PCGF5: variants seen among roughly 807,000 people sequenced by gnomAD.
PCGF5 encodes polycomb group ring finger 5.
A neutral mutation model predicts 44.3 loss-of-function variants in PCGF5; 9 were observed. That is an observed-to-expected ratio of 0.20 (90% CI 0.12 to 0.35). The LOEUF (loss-of-function observed/expected upper bound fraction) is 0.35, where lower values mean the gene tolerates loss of function less well. Among genes scored for constraint, PCGF5 ranks in the 10% least tolerant of loss-of-function variants. The pLI is 1.00. For missense variants in PCGF5, 146 were observed against 305.3 expected (o/e 0.48, Z 3.89); for synonymous variants, 95 against 102.5 (o/e 0.93, Z 0.44).
intron 3 of PCGF5, among the ~76,000 whole-genome samples, chr10:91,245,804 G>A (rs757631991): frequency 6.6e-6 from 1 of 152,126 alleles, no homozygotes; most frequent in Non-Finnish European, 1.5e-5. Context: ...GTGTTTGTCA[G>A]TCAAAATTAA....
chr10:91,178,755 G>A (rs528188902), intron 1 of PCGF5, among the ~76,000 whole-genome samples: 2 of 130,990 alleles, frequency 1.5e-5, no homozygotes, highest in East Asian at 4.7e-4. Context: ...GGGTTACTTT[G>A]ATTAAAAATA....
intron 1 of PCGF5, among the ~76,000 whole-genome samples, chr10:91,183,174 C>G (rs929970783): frequency 6.6e-6 from 1 of 152,094 alleles, no homozygotes; most frequent in African/African-American, 2.4e-5. Flanking sequence ...TCTCAATGAT[C>G]TAATATTGTC....
intron 2 of PCGF5, among the ~76,000 whole-genome samples, chr10:91,233,923 G>A (rs1209001258): frequency 6.6e-6 from 1 of 152,174 alleles, no homozygotes; most frequent in Non-Finnish European, 1.5e-5. Context: ...AATAAACAGA[G>A]CATTACTAAT....
chr10:91,231,688 G>T (rs531729148), intron 2 of PCGF5, among the ~76,000 whole-genome samples: 11 of 152,304 alleles, frequency 7.2e-5, no homozygotes, highest in African/African-American at 2.6e-4. Flanking sequence ...TGAGAGAAAT[G>T]AAGATCCGTT....
intron 8 of PCGF5, among the ~76,000 whole-genome samples, chr10:91,269,723 A>T (rs931128554): frequency 6.6e-6 from 1 of 152,208 alleles, no homozygotes; most frequent in Non-Finnish European, 1.5e-5. Flanking sequence ...CATACCAATA[A>T]TGAATGAGAG....
upstream of PCGF5, among the ~76,000 whole-genome samples, chr10:91,216,015 A>G (rs983900064): frequency 6.6e-6 from 1 of 152,210 alleles, no homozygotes; most frequent in Non-Finnish European, 1.5e-5. Context: ...GTATGCTGCA[A>G]ATTATTCAGT....
At chr10:91,189,045 A>G (rs1394646716) in intron 1 of PCGF5, among the ~76,000 whole-genome samples, 4 of 152,234 alleles carry the variant, frequency 2.6e-5, no homozygotes, top group African/African-American at 7.2e-5. Flanking sequence ...AAGATTAGCT[A>G]GCATGTGGCT....
chr10:91,193,260 G>GGAAT (rs1197153354), intron 1 of PCGF5, among the ~76,000 whole-genome samples: 3 of 152,162 alleles, frequency 2.0e-5, no homozygotes, highest in Non-Finnish European at 4.4e-5. Context: ...GCCTCCAAAA[G>GGAAT]GAATACATCC....
intron 6 of PCGF5, among the ~76,000 whole-genome samples, chr10:91,260,737 A>T (rs1216235246): frequency 6.8e-6 from 1 of 147,242 alleles, no homozygotes; most frequent in Non-Finnish European, 1.5e-5. Flanking sequence ...GCATGTTCTC[A>T]CTCATAGGTG....
chr10:91,173,727 T>C (rs1371691257), intron 1 of PCGF5, among the ~76,000 whole-genome samples: 1 of 152,148 alleles, frequency 6.6e-6, no homozygotes, highest in African/African-American at 2.4e-5. Flanking sequence ...TCTGGTAATT[T>C]ATTTCTTATT....
At chr10:91,183,798 A>C (rs1160257865) in intron 1 of PCGF5, among the ~76,000 whole-genome samples, 1 of 151,994 alleles carries the variant, frequency 6.6e-6, no homozygotes, top group Non-Finnish European at 1.5e-5. Context: ...TGTCTGAAAG[A>C]ATCTATTTCT....
Position 91,185,280 on chromosome 10 carries a change from A to C in PCGF5, c.-184+22199A>C, listed in dbSNP as rs572894086. 5.9e-5 allele frequency among the ~76,000 whole-genome samples: 9 copies of C among 152,318 alleles called. No homozygotes were observed. The South Asian group carries it at 1.2e-3, about 21-fold the overall frequency. On this transcript the variant is annotated intron_variant, in intron 1 of 9. Coordinates refer to the PCGF5 transcript ENST00000614189. ...AATGGATCCGGGATTCACTTAAAGA[A>C]GCAGTCTGGCCATGTTTTGGTAGAG...
At chr10:91,190,327 G>A (rs574442838) in intron 1 of PCGF5, among the ~76,000 whole-genome samples, 1 of 152,244 alleles carries the variant, frequency 6.6e-6, no homozygotes, top group East Asian at 1.9e-4. Flanking sequence ...AATTTTGGGG[G>A]AATTCAAACA....
In PCGF5 at chr10:91,183,652, G is replaced by A. The variant is rs142643165; in HGVS notation, c.-184+20571G>A. On this transcript the variant is annotated intron_variant, in intron 1 of 9. Transcript: ENST00000614189. The stretch of plus-strand genomic sequence containing the variant: ...TTGCAGACATGTTTATGTAGTTCCC[G>A]TATAGTGTCACTGGTCTGTGTACTT... Among the ~76,000 whole-genome samples the A allele has an allele frequency of 2.0e-3, 299 of 152,168 alleles. 4 individuals are homozygous for A. In the East Asian group the frequency reaches 0.051, roughly 26 times the overall value.
chr10:91,219,088 C>T (rs1322081476), upstream of PCGF5, among the ~76,000 whole-genome samples: 15 of 152,176 alleles, frequency 9.9e-5, no homozygotes, highest in Admixed American at 9.8e-4. Flanking sequence ...ATTGCTGCCT[C>T]TCCAGACACA....
chr10:91,204,001 T>G (rs2133239014), intron 1 of PCGF5, among the ~76,000 whole-genome samples: 1 of 152,154 alleles, frequency 6.6e-6, no homozygotes, highest in Admixed American at 6.5e-5. Flanking sequence ...TGATGTTTAT[T>G]GTTGAGTTTG....
chr10:91,167,839 T>C (rs980864522), intron 1 of PCGF5, among the ~76,000 whole-genome samples: 8 of 152,028 alleles, frequency 5.3e-5, no homozygotes, highest in African/African-American at 1.9e-4. Flanking sequence ...AGAAGAGAAA[T>C]GATGAGAACC....
In PCGF5 at chr10:91,240,518, T is replaced by C. The variant is rs969412615; in HGVS notation, c.147T>C (p.Asp49=). Residue 49 remains aspartate (D), a synonymous_variant, in exon 3 of 10, where the codon GAT becomes GAC. Transcript: ENST00000336126. Reference sequence around the variant, plus strand: ...CTTGTATTGTTCAGCACTTTGAAGATAGCAATGATTGCCCAAGGTGTGGCA... The same window carrying C: ...CTTGTATTGTTCAGCACTTTGAAGACAGCAATGATTGCCCAAGGTGTGGCA... ...CKTCIVQHFE[D]SNDCPRCGNQ... The C allele has an allele frequency of 5.0e-6, 8 of 1,612,028 alleles. No homozygotes were observed. Among genetic ancestry groups the C allele is most frequent in the Non-Finnish European group, 6.8e-6 (8 of 1,178,848 alleles).
At chr10:91,272,187 G>A (rs1050717541) in intron 9 of PCGF5, among the ~76,000 whole-genome samples, 1 of 152,164 alleles carries the variant, frequency 6.6e-6, no homozygotes, top group African/African-American at 2.4e-5. Context: ...ATTTAGTAAT[G>A]CACTAAGAAA....
Sources: gnomAD v4.1 joint callset for allele counts (sites outside exome capture counted in the v4.1 genomes callset) on GRCh38, gnomAD v4.1.1 for gene constraint, MANE v1.5 for transcripts, NCBI Gene and HGNC (gene_info 2026-07-23, HGNC 2026-07-21) for gene names.